GNAL: variants seen among roughly 807,000 people sequenced by gnomAD.
The protein encoded by GNAL is guanine nucleotide-binding protein G(olf) subunit alpha.
Under a neutral mutation model 55.1 loss-of-function variants are expected in GNAL, and 18 were observed. The ratio of observed to expected loss-of-function variants is 0.33; its 90% CI spans 0.23 to 0.48. The LOEUF is 0.48. Ranked by LOEUF, GNAL falls within the 20% of genes least tolerant of loss-of-function variation. The probability of loss-of-function intolerance (pLI) is 0.99; values close to 1 mark genes in which losing one functional copy is unlikely to be tolerated. For synonymous variants in GNAL, 253 were observed against 237.0 expected (o/e 1.07, Z -0.62); for missense variants, 412 against 614.1 (o/e 0.67, Z 3.48).
At chr18:11,860,589 C>T (rs2036109822) in intron 5 of GNAL, among the ~76,000 whole-genome samples, 1 of 151,890 alleles carries the variant, frequency 6.6e-6, no homozygotes, top group South Asian at 2.1e-4. Context: ...AAATGAAGAC[C>T]CAAAGAAGCT....
chr18:11,835,983 A>G (rs1262059186), intron 5 of GNAL, among the ~76,000 whole-genome samples: 3 of 152,074 alleles, frequency 2.0e-5, no homozygotes, highest in African/African-American at 7.2e-5. Flanking sequence ...CGTCTCTACA[A>G]ATAATTTTTA....
intron 5 of GNAL, chr18:11,852,157 A>G (rs538667874): frequency 1.3e-6 from 2 of 1,515,284 alleles, no homozygotes; most frequent in African/African-American, 2.8e-5. Flanking sequence ...CACCCTTTGA[A>G]ATGCTCTCTG....
intron 4 of GNAL, among the ~76,000 whole-genome samples, chr18:11,821,042 A>T (rs2035077591): frequency 6.6e-6 from 1 of 152,196 alleles, no homozygotes; most frequent in Non-Finnish European, 1.5e-5. Flanking sequence ...AGTGAATCTT[A>T]CCCAACAACA....
Position 11,804,685 on chromosome 18 carries a change from A to G in GNAL, c.625-20233A>G, listed in dbSNP as rs541246094. Reference sequence around the variant, plus strand: ...TGAAGTACAGGTGCGGTTTGGATGGAACACGGAGATACTGTGTAGTGGTGA... The same window carrying G: ...TGAAGTACAGGTGCGGTTTGGATGGGACACGGAGATACTGTGTAGTGGTGA... On this transcript the variant is annotated intron_variant, in intron 4 of 11. Coordinates refer to ENST00000334049, the MANE Select transcript of GNAL (RefSeq NM_182978.4). Among the ~76,000 whole-genome samples the G allele has an allele frequency of 3.7e-4, 46 of 124,608 alleles. 2 individuals are homozygous for G. The South Asian group carries it at 3.8e-3, about 10-fold the overall frequency. 81.7% of individuals were successfully genotyped at this position (124,608 alleles called of 152,430 possible). A position where few individuals can be genotyped will look rare whatever the true frequency, so the allele number is the denominator to read the frequency against.
At chr18:11,822,831 T>TC (rs2035140326) in intron 4 of GNAL, among the ~76,000 whole-genome samples, 1 of 144,504 alleles carries the variant, frequency 6.9e-6, no homozygotes, top group African/African-American at 2.7e-5. Flanking sequence ...TTTTTTTTTT[T>TC]TTTTTTTTGA....
intron 5 of GNAL, chr18:11,852,180 A>G: frequency 6.8e-7 from 1 of 1,460,458 alleles, no homozygotes; most frequent in South Asian, 1.4e-5. Flanking sequence ...TGTTAGAGAG[A>G]TACTATACCC....
In GNAL at chr18:11,882,684, C is replaced by CAAAAA. The variant is rs5823181; in HGVS notation, c.*1565_*1569dup. On this transcript the variant is annotated 3_prime_UTR_variant, in exon 12 of 12. Coordinates refer to ENST00000334049, the MANE Select transcript of GNAL (RefSeq NM_182978.4). The stretch of plus-strand genomic sequence containing the variant: ...CTGGACATCAAAGTGAGACTCAGGC[C>CAAAAA]AAAAAAAAAAAAAAAAAAAACCTTG... 1 of 87,986 alleles carries CAAAAA rather than the reference C, an allele frequency of 1.1e-5. No homozygotes were observed. Among genetic ancestry groups the CAAAAA allele is most frequent in the South Asian group, 3.7e-4 (1 of 2,722 alleles). 5.5% of individuals were successfully genotyped at this position (87,986 alleles called of 1,614,324 possible).
intron 4 of GNAL, among the ~76,000 whole-genome samples, chr18:11,756,633 T>C (rs1303083258): frequency 1.3e-5 from 2 of 152,094 alleles, no homozygotes; most frequent in Non-Finnish European, 2.9e-5. Context: ...CTATTTTTAA[T>C]TTTAGTATGC....
At chr18:11,862,844 C>T (rs2036178064) in intron 6 of GNAL, among the ~76,000 whole-genome samples, 2 of 150,628 alleles carry the variant, frequency 1.3e-5, no homozygotes, top group African/African-American at 2.4e-5. Flanking sequence ...CCCAGAGCAT[C>T]CCCTTTGGGT....
chr18:11,732,306 G>A (rs868655013), intron 1 of GNAL, among the ~76,000 whole-genome samples: 1 of 152,150 alleles, frequency 6.6e-6, no homozygotes, highest in Admixed American at 6.5e-5. Flanking sequence ...AGTGTATGAA[G>A]GGTTCTAATT....
At chr18:11,854,198 A>T (rs1461024396) in intron 5 of GNAL, 1 of 167,114 alleles carries the variant, frequency 6.0e-6, no homozygotes, top group Non-Finnish European at 1.5e-5. Context: ...TTGGTAAACT[A>T]AAGACCCTTT....
At chr18:11,824,132 G>A (rs969851760) in intron 4 of GNAL, among the ~76,000 whole-genome samples, 5 of 151,860 alleles carry the variant, frequency 3.3e-5, no homozygotes, top group African/African-American at 9.7e-5. Context: ...TACCTAATAT[G>A]TCTGGGCCAA....
intron 4 of GNAL, among the ~76,000 whole-genome samples, chr18:11,803,611 A>G (rs1330475618): frequency 6.6e-6 from 1 of 152,250 alleles, no homozygotes; most frequent in African/African-American, 2.4e-5. Flanking sequence ...GTAGTGGTGA[A>G]GTGCAGGTGC....
chr18:11,726,170 A>G (rs545149400), intron 1 of GNAL, among the ~76,000 whole-genome samples: 1 of 152,310 alleles, frequency 6.6e-6, no homozygotes, highest in Admixed American at 6.5e-5. Flanking sequence ...GAAATCATGT[A>G]GTGTCAGTCC....
At chr18:11,880,121 G>GGCA (rs1567908507) in intron 11 of GNAL, among the ~76,000 whole-genome samples, 1 of 151,128 alleles carries the variant, frequency 6.6e-6, no homozygotes, top group South Asian at 2.2e-4. Flanking sequence ...GCCAGGCGTG[G>GGCA]TGGCGCACGC....
In GNAL at chr18:11,884,412, T is replaced by G; in HGVS notation, c.*3277T>G. 1 of 1,603,216 alleles carries G rather than the reference T, an allele frequency of 6.2e-7. No homozygotes were observed. Among genetic ancestry groups the G allele is most frequent in the South Asian group, 1.1e-5 (1 of 90,634 alleles). On this transcript the variant is annotated 3_prime_UTR_variant, in exon 12 of 12. Transcript: ENST00000334049. ...TGATCTCTGCCCAAAGTTCCATTTCTTGGGCTTTGATATTTATAATGGCGC... is the reference window on the plus strand; with the variant it reads ...TGATCTCTGCCCAAAGTTCCATTTCGTGGGCTTTGATATTTATAATGGCGC...
At chr18:11,832,241 T>G (rs1273284098) in intron 5 of GNAL, among the ~76,000 whole-genome samples, 2 of 152,182 alleles carry the variant, frequency 1.3e-5, no homozygotes, top group Admixed American at 6.5e-5. Flanking sequence ...AGAGTGTAGG[T>G]TCTTATGCTC....
chr18:11,734,998 G>A (rs987871744), intron 1 of GNAL, among the ~76,000 whole-genome samples: 4 of 148,132 alleles, frequency 2.7e-5, no homozygotes, highest in African/African-American at 7.5e-5. Flanking sequence ...CAGGGAAAAC[G>A]CCAGGCCGAC....
rs542172091 is a variant in GNAL, at chr18:11,766,416, T to A, written c.624+12471T>A. Among the ~76,000 whole-genome samples, 45 of 152,308 alleles carry A rather than the reference T, an allele frequency of 3.0e-4. 1 individual carries two copies. The East Asian group carries it at 7.7e-3, about 26-fold the overall frequency. On this transcript the variant is annotated intron_variant, in intron 4 of 11. Coordinates refer to ENST00000334049, the MANE Select transcript of GNAL (RefSeq NM_182978.4). ...TGTTTGGATAGGAAATATTTGTGGA[T>A]GGCATAAAATCCAAAAGATATAAAG...
Sources: allele counts gnomAD v4.1 joint callset (sites outside exome capture counted in the v4.1 genomes callset), GRCh38; gene constraint gnomAD v4.1.1; transcripts MANE v1.5; gene names NCBI Gene and HGNC (gene_info 2026-07-23, HGNC 2026-07-21).